Variants in CPEB3 observed in about 807,000 individuals in gnomAD.
CPEB3 encodes cytoplasmic polyadenylation element-binding protein 3.
CPEB3 carries 20 observed loss-of-function variants against 67.2 expected under a neutral mutation model. The observed-to-expected ratio is 0.30, with a 90% CI of 0.21 to 0.43. The LOEUF (loss-of-function observed/expected upper bound fraction) is 0.43, where lower values mean the gene tolerates loss of function less well. Ranked by LOEUF, CPEB3 falls within the 20% of genes least tolerant of loss-of-function variation. CPEB3 has a pLI of 1.00. For missense variants in CPEB3, 746 were observed against 968.6 expected (o/e 0.77, Z 3.05); for synonymous variants, 376 against 393.1 (o/e 0.96, Z 0.51).
intron 6 of CPEB3, among the ~76,000 whole-genome samples, chr10:92,111,697 GTTTC>G (rs1267488222): frequency 2.0e-5 from 3 of 152,206 alleles, no homozygotes; most frequent in Admixed American, 1.3e-4. Context: ...TAGGCACTGA[GTTTC>G]TTTTTGGGAT....
chr10:92,096,731 G>A (rs1242432577), intron 7 of CPEB3, among the ~76,000 whole-genome samples: 2 of 152,132 alleles, frequency 1.3e-5, no homozygotes, highest in Non-Finnish European at 2.9e-5. Flanking sequence ...ATCATTTGAG[G>A]TCAGGAGTTC....
At chr10:92,202,619 C>CA (rs1284005269) in intron 2 of CPEB3, among the ~76,000 whole-genome samples, 1 of 151,150 alleles carries the variant, frequency 6.6e-6, no homozygotes, top group Non-Finnish European at 1.5e-5. Context: ...AAGACAATCA[C>CA]AAAAAATTAC....
At position 92,226,206 on chromosome 10, in the gene CPEB3, G is replaced by A. The variant is rs1003615913; in HGVS notation, c.1005+13140C>T. Among the ~76,000 whole-genome samples the A allele has an allele frequency of 3.3e-5, 5 of 152,152 alleles. No individual in the cohort carries two copies. The South Asian group carries it at 6.2e-4, about 19-fold the overall frequency. Reference sequence around the variant, plus strand: ...TTACTTTCAAAATCGGAAAAACTCCGAAAATATCTTAAACTATTGAAGACT... The same window carrying A: ...TTACTTTCAAAATCGGAAAAACTCCAAAAATATCTTAAACTATTGAAGACT... On this transcript the variant is annotated intron_variant, in intron 2 of 9. Coordinates refer to ENST00000265997, the MANE Select transcript of CPEB3 (RefSeq NM_014912.5).
At chr10:92,280,753 CTTTTTTTTTTTTT>C (rs948586177) in intron 1 of CPEB3, among the ~76,000 whole-genome samples, 1 of 91,668 alleles carries the variant, frequency 1.1e-5, no homozygotes, top group Non-Finnish European at 2.0e-5. Context: ...AGCATCTATT[CTTTTTTTTTTTTT>C]TTTTTTTTTG....
chr10:92,283,349 T>C (rs1842382576), intron 1 of CPEB3, among the ~76,000 whole-genome samples: 1 of 152,206 alleles, frequency 6.6e-6, no homozygotes, highest in Non-Finnish European at 1.5e-5. Context: ...TCTGGCCTTG[T>C]ACTGAACAAT....
At chr10:92,206,646 T>C (rs1049576820) in intron 2 of CPEB3, among the ~76,000 whole-genome samples, 4 of 152,222 alleles carry the variant, frequency 2.6e-5, no homozygotes, top group African/African-American at 9.6e-5. Context: ...ATATCTTATT[T>C]TGTAGGCAAT....
intron 2 of CPEB3, among the ~76,000 whole-genome samples, chr10:92,227,740 C>T (rs907062565): frequency 6.6e-6 from 1 of 151,872 alleles, no homozygotes. Context: ...TACAGGTGCC[C>T]GCTACCTCGC....
chr10:92,234,064 C>T (rs1413867163), intron 2 of CPEB3, among the ~76,000 whole-genome samples: 1 of 148,716 alleles, frequency 6.7e-6, no homozygotes, highest in Non-Finnish European at 1.5e-5. Context: ...CGAGATCATA[C>T]CACTGTACTC....
intron 3 of CPEB3, among the ~76,000 whole-genome samples, chr10:92,186,377 G>C (rs888988554): frequency 2.6e-5 from 4 of 151,922 alleles, no homozygotes; most frequent in South Asian, 2.1e-4. Flanking sequence ...GTTACACAGC[G>C]AGACCCTGTC....
chr10:92,104,384 T>TC (rs1177714648), intron 7 of CPEB3, among the ~76,000 whole-genome samples: 2 of 149,722 alleles, frequency 1.3e-5, no homozygotes, highest in East Asian at 3.9e-4. Context: ...TGCAACTTTT[T>TC]TTTTTTTTTT....
intron 1 of CPEB3, among the ~76,000 whole-genome samples, chr10:92,281,386 G>A (rs1270780033): frequency 1.3e-5 from 2 of 151,736 alleles, no homozygotes; most frequent in Non-Finnish European, 2.9e-5. Context: ...GAGCCACCAC[G>A]CTGGCCTTTT....
intron 2 of CPEB3, among the ~76,000 whole-genome samples, chr10:92,226,027 G>A (rs1850954778): frequency 6.6e-6 from 1 of 152,134 alleles, no homozygotes; most frequent in Non-Finnish European, 1.5e-5. Flanking sequence ...AACCCAGGAG[G>A]CGGAGGTTGC....
At chr10:92,098,149 G>A (rs1843972924) in intron 7 of CPEB3, among the ~76,000 whole-genome samples, 1 of 101,546 alleles carries the variant, frequency 9.8e-6, no homozygotes, top group African/African-American at 3.7e-5. Context: ...CAACAAGAGT[G>A]ACACTCTGCC....
chr10:92,047,351 A>G lies in CPEB3; in HGVS notation c.*4861T>C, dbSNP rs1429218359. The G allele has an allele frequency of 6.6e-6, 1 of 152,218 alleles. No homozygotes were observed. Among genetic ancestry groups the G allele is most frequent in the Non-Finnish European group, 1.5e-5 (1 of 68,026 alleles). The allele number at this position is 152,218 out of a possible 1,614,324, so 9.4% of individuals were successfully genotyped here. Reference sequence around the variant, plus strand: ...CAAATAAGCCAGTTTTAACAAAAAGATACATTTTTTTCACTAATCTGTGAC... The same window carrying G: ...CAAATAAGCCAGTTTTAACAAAAAGGTACATTTTTTTCACTAATCTGTGAC... On this transcript the variant is annotated 3_prime_UTR_variant, in exon 10 of 10. Transcript: ENST00000265997.
At chr10:92,266,432 A>T (rs1334517393) in intron 1 of CPEB3, among the ~76,000 whole-genome samples, 1 of 152,200 alleles carries the variant, frequency 6.6e-6, no homozygotes, top group Non-Finnish European at 1.5e-5. Context: ...AGAACAAAAA[A>T]GAAAGCACAA....
rs145364476 is a variant in CPEB3 at position 92,138,156 on chromosome 10, C to T, written c.1453+4873G>A. ...CACAGAGTATTGATTACCACTGACC[C>T]GCAGCCAGAGGCATTCATGTGCAGC... On this transcript the variant is annotated intron_variant, in intron 6 of 9. Transcript: ENST00000265997. The T allele has an allele frequency of 2.0e-4, 40 of 196,678 alleles. No homozygotes were observed. In the East Asian group the frequency reaches 3.7e-3, roughly 18 times the overall value. 12.2% of individuals were successfully genotyped at this position (196,678 alleles called of 1,614,324 possible).
At chr10:92,228,211 T>C (rs146582983) in intron 2 of CPEB3, among the ~76,000 whole-genome samples, 30 of 152,286 alleles carry the variant, frequency 2.0e-4, no homozygotes, top group South Asian at 4.1e-4. Flanking sequence ...AATAATGATG[T>C]GGCAAAGAGT....
intron 7 of CPEB3, among the ~76,000 whole-genome samples, chr10:92,103,884 G>T (rs1489227507): frequency 6.6e-6 from 1 of 152,178 alleles, no homozygotes; most frequent in Non-Finnish European, 1.5e-5. Flanking sequence ...CTAGGACAAG[G>T]ATGTTGTTAC....
At position 92,189,463 on chromosome 10, in the gene CPEB3, T is replaced by C. The variant is rs1848854038; in HGVS notation, c.1165+3014A>G. Among the ~76,000 whole-genome samples, 5 of 152,160 alleles carry C rather than the reference T, an allele frequency of 3.3e-5. No homozygotes were observed. In the South Asian group the frequency reaches 1.0e-3, roughly 32 times the overall value. ...CTTTATTTGATCTTCGCACTCACTC[T>C]ATGAAGTAGGGAATTTATTTTAACA... On this transcript the variant is annotated intron_variant, in intron 3 of 9. Coordinates refer to ENST00000265997, the MANE Select transcript of CPEB3 (RefSeq NM_014912.5).
Sources: allele counts gnomAD v4.1 joint callset (sites outside exome capture counted in the v4.1 genomes callset), GRCh38; gene constraint gnomAD v4.1.1; transcripts MANE v1.5; gene names NCBI Gene and HGNC (gene_info 2026-07-23, HGNC 2026-07-21).